Variants in DSCAM observed in about 807,000 individuals in gnomAD.
DSCAM encodes DS cell adhesion molecule, also known as cell adhesion molecule DSCAM.
A neutral mutation model predicts 217.7 loss-of-function variants in DSCAM; 47 were observed. The observed-to-expected ratio is 0.22, with a 90% CI of 0.17 to 0.28. The LOEUF (loss-of-function observed/expected upper bound fraction) is 0.28, where lower values mean the gene tolerates loss of function less well. Among genes scored for constraint, DSCAM ranks in the 10% least tolerant of loss-of-function variants. The pLI, the probability that DSCAM is intolerant of heterozygous loss-of-function variation, is 1.00. For synonymous variants in DSCAM, 1,056 were observed against 1,015.3 expected (o/e 1.04, Z -0.76); for missense variants, 2,080 against 2,618.3 (o/e 0.79, Z 4.49).
chr21:40,597,575 C>T (rs1008366777), intron 3 of DSCAM, among the ~76,000 whole-genome samples: 11 of 135,478 alleles, frequency 8.1e-5, no homozygotes, highest in African/African-American at 1.4e-4. Flanking sequence ...GACATGATCT[C>T]GGCTCACTGC....
chr21:40,026,547 TG>T (rs1358280668), intron 32 of DSCAM, among the ~76,000 whole-genome samples: 1 of 143,546 alleles, frequency 7.0e-6, no homozygotes, highest in Admixed American at 7.1e-5. Flanking sequence ...TTTATGAATC[TG>T]GGTGCTCCTG....
intron 1 of DSCAM, among the ~76,000 whole-genome samples, chr21:40,775,096 T>C (rs751157325): frequency 2.6e-5 from 4 of 152,176 alleles, no homozygotes; most frequent in African/African-American, 4.8e-5. Flanking sequence ...ATCCCAAAAA[T>C]TGAAATCCTG....
chr21:40,682,546 GA>G (rs974221251), intron 3 of DSCAM, among the ~76,000 whole-genome samples: 1 of 111,862 alleles, frequency 8.9e-6, no homozygotes, highest in African/African-American at 3.2e-5. Context: ...AAGAAAGAAA[GA>G]AAGAAAAGGA....
At chr21:40,370,787 A>T (rs1415365840) in intron 3 of DSCAM, among the ~76,000 whole-genome samples, 2 of 151,744 alleles carry the variant, frequency 1.3e-5, no homozygotes, top group African/African-American at 4.8e-5. Flanking sequence ...CACCTGGCTA[A>T]TTTTTGTATT....
chr21:40,408,470 C>T (rs1477124386), intron 3 of DSCAM, among the ~76,000 whole-genome samples: 5 of 152,006 alleles, frequency 3.3e-5, no homozygotes, highest in East Asian at 1.9e-4. Context: ...AATTGCCCTA[C>T]GAGATCATCT....
At chr21:40,122,040 G>A (rs1287628235) in intron 20 of DSCAM, among the ~76,000 whole-genome samples, 1 of 152,108 alleles carries the variant, frequency 6.6e-6, no homozygotes, top group African/African-American at 2.4e-5. Context: ...ATCCTGGGCA[G>A]GTCAAATCCC....
At chr21:40,186,687 C>T (rs2090898100) in intron 14 of DSCAM, among the ~76,000 whole-genome samples, 2 of 152,320 alleles carry the variant, frequency 1.3e-5, no homozygotes, top group South Asian at 4.1e-4. Context: ...CACCACTGCA[C>T]AGTTTATCCG....
At chr21:40,717,937 C>A (rs2090859775) in intron 1 of DSCAM, among the ~76,000 whole-genome samples, 1 of 152,146 alleles carries the variant, frequency 6.6e-6, no homozygotes, top group Admixed American at 6.5e-5. Context: ...AGGCAGAAAG[C>A]CTGGCTAGAC....
chr21:40,818,896 T>C (rs991969408), intron 1 of DSCAM, among the ~76,000 whole-genome samples: 24 of 152,242 alleles, frequency 1.6e-4, no homozygotes, highest in African/African-American at 5.1e-4. Flanking sequence ...CATAATTATT[T>C]TATATAAAAA....
intron 3 of DSCAM, among the ~76,000 whole-genome samples, chr21:40,667,909 C>T (rs2090222832): frequency 6.6e-6 from 1 of 152,186 alleles, no homozygotes; most frequent in South Asian, 2.1e-4. Context: ...TACACCTCTC[C>T]ACTCTGAATT....
intron 3 of DSCAM, among the ~76,000 whole-genome samples, chr21:40,614,093 C>T (rs1190566198): frequency 2.0e-5 from 3 of 152,180 alleles, no homozygotes; most frequent in Non-Finnish European, 4.4e-5. Context: ...ACCCCAGTCC[C>T]AATCCTGGCA....
intron 20 of DSCAM, among the ~76,000 whole-genome samples, chr21:40,102,005 G>T (rs1191228634): frequency 6.6e-6 from 1 of 152,088 alleles, no homozygotes; most frequent in African/African-American, 2.4e-5. Context: ...TCAATTAATG[G>T]TCATTTACTG....
In DSCAM at chr21:40,843,107, T is replaced by C. The variant is rs564489792; in HGVS notation, c.43+3512A>G. On this transcript the variant is annotated intron_variant, in intron 1 of 32. Coordinates refer to ENST00000400454, the MANE Select transcript of DSCAM (RefSeq NM_001389.5). ...TATGTGAATTAAATAAAAATCACCT[T>C]TGAAGTCCTTAAGGTGCATTTGTAT... Among the ~76,000 whole-genome samples, 4 of 152,328 alleles carry C rather than the reference T, an allele frequency of 2.6e-5. No homozygotes were observed. In the South Asian group the frequency reaches 8.3e-4, roughly 32 times the overall value.
chr21:40,478,671 G>C (rs1344987722), intron 3 of DSCAM, among the ~76,000 whole-genome samples: 1 of 152,140 alleles, frequency 6.6e-6, no homozygotes, highest in Non-Finnish European at 1.5e-5. Context: ...GATCACTACT[G>C]TTATTACTGC....
intron 3 of DSCAM, among the ~76,000 whole-genome samples, chr21:40,434,150 GT>G (rs1237283301): frequency 6.6e-6 from 1 of 152,138 alleles, no homozygotes; most frequent in Non-Finnish European, 1.5e-5. Flanking sequence ...TTTTAATCAT[GT>G]TTACACACAC....
chr21:40,328,387 T>A (rs1228221570), intron 8 of DSCAM, among the ~76,000 whole-genome samples: 1 of 151,988 alleles, frequency 6.6e-6, no homozygotes, highest in East Asian at 1.9e-4. Flanking sequence ...TTTCAGTAAA[T>A]GGTGTTGGGG....
intron 27 of DSCAM, among the ~76,000 whole-genome samples, chr21:40,063,642 TA>T (rs1444415591): frequency 1.3e-5 from 2 of 152,214 alleles, no homozygotes; most frequent in Non-Finnish European, 1.5e-5. Flanking sequence ...CATTGCTCTC[TA>T]AAAAGTCTTG....
At chr21:40,334,723 C>G (rs1399402634) in intron 8 of DSCAM, among the ~76,000 whole-genome samples, 1 of 152,048 alleles carries the variant, frequency 6.6e-6, no homozygotes, top group African/African-American at 2.4e-5. Flanking sequence ...TGCACCACAA[C>G]CACAACCTCA....
At chr21:40,340,708 ATTT>A (rs1373931944) in intron 6 of DSCAM, among the ~76,000 whole-genome samples, 1 of 152,110 alleles carries the variant, frequency 6.6e-6, no homozygotes, top group Non-Finnish European at 1.5e-5. Flanking sequence ...TTAGTTTTTG[ATTT>A]TATTATAAAA....
Sources: allele counts gnomAD v4.1 joint callset (sites outside exome capture counted in the v4.1 genomes callset), GRCh38; gene constraint gnomAD v4.1.1; transcripts MANE v1.5; gene names NCBI Gene and HGNC (gene_info 2026-07-23, HGNC 2026-07-21).